The following MCM10 variants were observed in gnomAD, a reference collection of about 807,000 sequenced individuals.
The protein encoded by MCM10 is protein MCM10 homolog.
A neutral mutation model predicts 109.9 loss-of-function variants in MCM10; 91 were observed. The ratio of observed to expected loss-of-function variants is 0.83; its 90% confidence interval spans 0.70 to 0.99. The LOEUF is 0.99. Among genes scored for constraint, MCM10 ranks in the 50% least tolerant of loss-of-function variants. The pLI, the probability that MCM10 is intolerant of heterozygous loss-of-function variation, is 0.00. For synonymous variants in MCM10, 380 were observed against 387.2 expected, an observed-to-expected ratio of 0.98 and a Z score of 0.22; for missense variants, 1,077 against 1,061.2, an observed-to-expected ratio of 1.01 and a Z score of -0.21.
At chr10:13,161,971 T>A (rs1833932999) in intron 1 of MCM10, among the ~76,000 whole-genome samples, 1 of 152,238 alleles carries the variant, frequency 6.6e-6, no homozygotes, top group Admixed American at 6.5e-5. Context: ...ACGGTGTGCA[T>A]GGCTCGGATC....
intron 17 of MCM10, 127 bp from the exon 18 acceptor site, chr10:13,204,092 C>T (rs1834536240): frequency 9.0e-7 from 1 of 1,116,522 alleles, no homozygotes; most frequent in Admixed American, 2.5e-5. Context: ...TGGCCCAGTC[C>T]CCTAGCAAGG....
intron 9 of MCM10, 94 bp downstream of exon 9, chr10:13,186,374 C>G (rs1466075117): frequency 1.3e-6 from 1 of 768,406 alleles, no homozygotes; most frequent in Non-Finnish European, 2.2e-6. Context: ...CAGTTTGGAA[C>G]TGAGTTTCCC....
chr10:13,195,005 C>A (rs751654644), intron 13 of MCM10, 36 bp from the exon 14 acceptor site: 16 of 1,581,624 alleles, frequency 1.0e-5, no homozygotes, highest in Non-Finnish European at 1.4e-5. Context: ...TTTTCGTAAA[C>A]CCTGTTTGCG....
At chr10:13,167,380 G>A (rs1421139470) in intron 2 of MCM10, among the ~76,000 whole-genome samples, 1 of 152,142 alleles carries the variant, frequency 6.6e-6, no homozygotes, top group Non-Finnish European at 1.5e-5. Context: ...TAGAGTGAGC[G>A]GGCTGAAAGG....
Position 13,188,942 on chromosome 10 carries a change from G to C in MCM10, c.1277G>C (p.Arg426Pro). 1 of 1,614,230 alleles carries C rather than the reference G, an allele frequency of 6.2e-7. No homozygotes were observed. Among genetic ancestry groups the C allele is most frequent in the Non-Finnish European group, 8.5e-7 (1 of 1,180,046 alleles). ...CAGTACAAGAAGCTCAGCGCAAAGC[G>C]TGCGGATCTGCAGTCCACCTTCTCT... ...QAQYKKLSAK[R>P]ADLQSTFSGG... Residue 426 changes from arginine (R) to proline (P), a missense_variant, in exon 10 of 20, where the codon CGT becomes CCT. Coordinates refer to ENST00000378714, the MANE Select transcript of MCM10 (RefSeq NM_018518.5).
At chr10:13,194,176 CA>C (rs1834385400) in intron 13 of MCM10, among the ~76,000 whole-genome samples, 1 of 152,110 alleles carries the variant, frequency 6.6e-6, no homozygotes, top group African/African-American at 2.4e-5. Context: ...CCAACCTGAG[CA>C]AAATGGCGAA....
chr10:13,205,687 A>AT, intron 18 of MCM10, among the ~76,000 whole-genome samples: 1 of 152,156 alleles, frequency 6.6e-6, no homozygotes, highest in Admixed American at 6.5e-5. Flanking sequence ...GCATCTGGTT[A>AT]TTTTTTGCCT....
chr10:13,186,294 T>A lies in MCM10; in HGVS notation c.1215+14T>A. 6.5e-7 allele frequency: 1 copy of A among 1,531,802 alleles called. No homozygotes were observed. Among genetic ancestry groups the A allele is most frequent in the South Asian group, 1.1e-5 (1 of 89,072 alleles). 94.9% of individuals were successfully genotyped at this position (1,531,802 alleles called of 1,614,324 possible). ...ACTGTGAATTTGGTTGGTTTCAGCCTTGTTAGGATGGTTTCTGCTAAAGAA... is the reference window on the plus strand; with the variant it reads ...ACTGTGAATTTGGTTGGTTTCAGCCATGTTAGGATGGTTTCTGCTAAAGAA... On this transcript the variant is annotated intron_variant, in intron 9 of 19. Transcript: ENST00000378714.
intron 7 of MCM10, among the ~76,000 whole-genome samples, chr10:13,181,363 T>A (rs1363588707): frequency 2.0e-5 from 3 of 152,166 alleles, no homozygotes; most frequent in African/African-American, 7.2e-5. Context: ...AGAGCTGACA[T>A]GGGGTTGAAT....
chr10:13,172,541 T>A lies in MCM10; in HGVS notation c.454+61T>A. 2.5e-6 allele frequency: 4 copies of A among 1,601,382 alleles called. No individual in the cohort carries two copies. Among genetic ancestry groups the A allele is most frequent in the Non-Finnish European group, 3.4e-6 (4 of 1,168,934 alleles). ...TATTTTATTAGAAATTATCACATCA[T>A]TTCTGCATCCAACTCCTGTCCAAAC... On this transcript the variant is annotated intron_variant, in intron 4 of 19. Coordinates refer to ENST00000378714, the MANE Select transcript of MCM10 (RefSeq NM_018518.5). This position sits in a 1 kb window ranked among gnomAD's most constrained non-coding sequence, Gnocchi z 5.2.
chr10:13,204,280 G>C lies in MCM10; in HGVS notation c.2414G>C (p.Trp805Ser). 6.2e-7 allele frequency: 1 copy of C among 1,614,190 alleles called. No individual in the cohort carries two copies. The highest frequency in any genetic ancestry group is 8.5e-7 in the Non-Finnish European group (1 of 1,180,032). ...TCVSEQHEYH[W>S]HDGVKRFFKC... ...GTCAGTGAGCAGCATGAATACCACTGGCATGATGGTGTGAAGAGGTTTTTC... is the reference window on the plus strand; with the variant it reads ...GTCAGTGAGCAGCATGAATACCACTCGCATGATGGTGTGAAGAGGTTTTTC... Residue 805 changes from tryptophan to serine, a missense_variant, in exon 18 of 20, where the codon TGG becomes TCG. Trp to Ser is a radical substitution (Grantham distance 177, BLOSUM62 -3). Transcript: ENST00000378714.
intron 8 of MCM10, 149 bp downstream of exon 8, chr10:13,183,249 GA>G: frequency 1.2e-6 from 1 of 835,880 alleles, no homozygotes; most frequent in Non-Finnish European, 1.8e-6. Flanking sequence ...TTGAGCCCAG[GA>G]GTTCAAGACC....
At chr10:13,165,487 T>C (rs76796379) in intron 2 of MCM10, among the ~76,000 whole-genome samples, 1,756 of 152,308 alleles carry the variant, frequency 0.012, 33 homozygotes, top group African/African-American at 0.04. Flanking sequence ...CTTTTTGCTA[T>C]CAGATTGACA....
intron 6 of MCM10, among the ~76,000 whole-genome samples, chr10:13,176,382 A>T (rs1588468666): frequency 6.6e-6 from 1 of 152,104 alleles, no homozygotes; most frequent in Non-Finnish European, 1.5e-5. Context: ...TCACTACTCC[A>T]TTGCATCTCC....
intron 16 of MCM10, among the ~76,000 whole-genome samples, chr10:13,199,191 C>T (rs1470867830): frequency 6.6e-6 from 1 of 152,278 alleles, no homozygotes; most frequent in East Asian, 1.9e-4. Flanking sequence ...CCACCATGCC[C>T]GTACCCAGCC....
rs7916762 is a variant in MCM10 at position 13,191,471 on chromosome 10, C to T, written c.1516+72C>T. 373,896 of 1,227,052 alleles carry T rather than the reference C, an allele frequency of 0.3. 58,977 individuals carry two copies. Among genetic ancestry groups the T allele is most frequent in the East Asian group, 0.43 (18,385 of 42,880 alleles). The allele number at this position is 1,227,052 out of a possible 1,614,324, so 76.0% of individuals were successfully genotyped here. The stretch of plus-strand genomic sequence containing the variant: ...GCAGCCTTAGGGATAAAAGACTACA[C>T]ATTGGGTACAGGGTACACTGCTCCG... On this transcript the variant is annotated intron_variant, in intron 11 of 19. Coordinates refer to ENST00000378714, the MANE Select transcript of MCM10 (RefSeq NM_018518.5).
At position 13,207,546 on chromosome 10, in the gene MCM10, T is replaced by C. The variant is rs111351977; in HGVS notation, c.2499-1545T>C. 1.1e-3 allele frequency among the ~76,000 whole-genome samples: 162 copies of C among 152,282 alleles called. 2 individuals are homozygous for C. Among genetic ancestry groups the C allele is most frequent in the African/African-American group, 3.8e-3 (156 of 41,558 alleles). On this transcript the variant is annotated intron_variant, in intron 18 of 19. Transcript: ENST00000378714. ...CCCACCCAGATCTCATCTTGAATGG[T>C]AGCTCCCATAATTCCCACAAGTTGA...
In MCM10 at chr10:13,198,776, C is replaced by G. The variant is rs1199457965; in HGVS notation, c.2207C>G (p.Ala736Gly). Residue 736 changes from alanine to glycine, a missense_variant, in exon 16 of 20, where the codon GCA becomes GGA. Ala to Gly is a moderately conservative substitution (Grantham distance 60). Coordinates refer to ENST00000378714, the MANE Select transcript of MCM10 (RefSeq NM_018518.5). ...GAGGAATTTCAGAAAATCCTAAAAG[C>G]AAAATCAAAACACACAGGCATCCTG... ...ESEEFQKILK[A>G]KSKHTGILKE... 6.2e-7 allele frequency: 1 copy of G among 1,613,264 alleles called. No homozygotes were observed. The highest frequency in any genetic ancestry group is 1.7e-5 in the Admixed American group (1 of 60,004).
Position 13,183,100 on chromosome 10 carries a change from G to T in MCM10, c.1098G>T (p.Glu366Asp). The T allele has an allele frequency of 6.2e-7, 1 of 1,600,576 alleles. No individual in the cohort carries two copies. Among genetic ancestry groups the T allele is most frequent in the Non-Finnish European group, 8.5e-7 (1 of 1,176,178 alleles). Reference protein sequence around the residue: ...NPMKPKDGSEEVCLSIDHPQK... With the variant: ...NPMKPKDGSEDVCLSIDHPQK... The stretch of plus-strand genomic sequence containing the variant: ...TGAAGCCCAAGGATGGTTCAGAGGA[G>T]GTAAGAGCCTGTTTCTGGGATTTGA... Residue 366 changes from glutamate to aspartate, a missense_variant and splice_region_variant, in exon 8 of 20, where the codon GAG becomes GAT. By Grantham distance (45) the Glu-to-Asp change is conservative. Transcript: ENST00000378714.
Sources: allele counts gnomAD v4.1 joint callset (sites outside exome capture counted in the v4.1 genomes callset), GRCh38; gene constraint gnomAD v4.1.1; non-coding constraint Gnocchi (gnomAD v3.1); transcripts MANE v1.5; gene names NCBI Gene and HGNC (gene_info 2026-07-23, HGNC 2026-07-21).